GPR137: variants seen among roughly 807,000 people sequenced by gnomAD.
GPR137 encodes the protein integral membrane protein GPR137.
Under a neutral mutation model 38.9 loss-of-function variants are expected in GPR137, and 20 were observed. That is an observed-to-expected ratio of 0.51 (90% CI 0.36 to 0.75). GPR137 has a LOEUF of 0.75. Ranked by LOEUF, GPR137 falls within the 30% of genes least tolerant of loss-of-function variation. The pLI is 0.00. For synonymous variants in GPR137, 226 were observed against 235.8 expected (o/e 0.96, Z 0.38); for missense variants, 456 against 526.4 (o/e 0.87, Z 1.31).
At chr11:64,273,550 C>T (rs1267197503), upstream of GPR137, among the ~76,000 whole-genome samples, 1 of 151,830 alleles carries the variant, frequency 6.6e-6, no homozygotes, top group African/African-American at 2.4e-5. Flanking sequence ...AGAACCACTC[C>T]CCTGAGCAAA....
At position 64,286,883 on chromosome 11, in the gene GPR137, T is replaced by C; in HGVS notation, c.357+2T>C. ...CTTATGAACCTCTACTTTGCCCAGG[T>C]AACCAACTGTGGTCCCGGGTGGGGG... On this transcript the variant is annotated splice_donor_variant, in intron 1 of 6. Coordinates refer to ENST00000438980, the MANE Select transcript of GPR137 (RefSeq NM_001170880.2). LOFTEE classifies it high-confidence loss of function. The C allele has an allele frequency of 6.3e-7, 1 of 1,586,932 alleles. No individual in the cohort carries two copies. Among genetic ancestry groups the C allele is most frequent in the Non-Finnish European group, 8.6e-7 (1 of 1,157,804 alleles).
upstream of GPR137, among the ~76,000 whole-genome samples, chr11:64,280,690 C>G (rs1187450482): frequency 6.6e-6 from 1 of 150,926 alleles, no homozygotes; most frequent in South Asian, 2.1e-4. Context: ...TTTTTTGAGA[C>G]GGACTCTTGC....
At chr11:64,285,800 A>G (rs1023388414), upstream of GPR137, 2 of 985,026 alleles carry the variant, frequency 2.0e-6, no homozygotes, top group African/African-American at 3.5e-5. Context: ...CCGCTGCGCA[A>G]TTTGCGTAGC....
At chr11:64,280,686 G>A (rs577299407), upstream of GPR137, among the ~76,000 whole-genome samples, 12 of 150,350 alleles carry the variant, frequency 8.0e-5, no homozygotes, top group East Asian at 2.4e-3. Flanking sequence ...TTTGTTTTTT[G>A]AGACGGACTC....
At chr11:64,271,634 G>C (rs927566353), upstream of GPR137, 17 of 1,501,750 alleles carry the variant, frequency 1.1e-5, no homozygotes, top group Non-Finnish European at 1.4e-5. Flanking sequence ...CCACAAACTC[G>C]TCACTCATCC....
chr11:64,275,008 A>AAAAAAAAG (rs2032951719), upstream of GPR137, among the ~76,000 whole-genome samples: 1 of 150,538 alleles, frequency 6.6e-6, no homozygotes, highest in African/African-American at 2.4e-5. Flanking sequence ...AAAAAAAAAA[A>AAAAAAAAG]AAAAAAAGCG....
intron 2 of GPR137, among the ~76,000 whole-genome samples, chr11:64,278,417 A>G (rs1044800107): frequency 6.7e-6 from 1 of 149,726 alleles, no homozygotes; most frequent in East Asian, 1.9e-4. Context: ...TACATAAATA[A>G]TAACAATGGC....
chr11:64,284,916 T>G, upstream of GPR137: 1 of 1,416,112 alleles, frequency 7.1e-7, no homozygotes, highest in African/African-American at 1.5e-5. Context: ...AGGAGAGGGA[T>G]TCTCTGGGGT....
upstream of GPR137, chr11:64,270,783 C>A: frequency 2.4e-6 from 1 of 419,348 alleles, no homozygotes; most frequent in Non-Finnish European, 4.8e-6. Context: ...CGACAGAGCG[C>A]ACAGGTGCCA....
At chr11:64,283,741 G>A (rs943829907), upstream of GPR137, among the ~76,000 whole-genome samples, 7 of 152,220 alleles carry the variant, frequency 4.6e-5, no homozygotes, top group African/African-American at 7.2e-5. Context: ...TTTCCTTTTC[G>A]GATCACTGCC....
chr11:64,285,811 G>A, upstream of GPR137: 1 of 985,320 alleles, frequency 1.0e-6, no homozygotes, highest in South Asian at 4.7e-5. Context: ...TTTGCGTAGC[G>A]AACGGCGCCC....
Position 64,288,278 on chromosome 11 carries a change from G to T in GPR137, c.784-62G>T, listed in dbSNP as rs1046953917. On this transcript the variant is annotated intron_variant, in intron 4 of 6. Coordinates refer to ENST00000438980, the MANE Select transcript of GPR137 (RefSeq NM_001170880.2). This position sits in a 1 kb window ranked among gnomAD's most constrained non-coding sequence, Gnocchi z 5.5. ...GGCACCTTGGCCCCAGCTGGCCTGG[G>T]CCCTGTCCCACTACCCCTTTGGCGT... is the stretch of plus-strand genomic sequence containing the variant. The T allele has an allele frequency of 3.1e-6, 5 of 1,611,270 alleles. No individual in the cohort carries two copies. In the African/African-American group the frequency reaches 6.7e-5, roughly 22 times the overall value.
At chr11:64,284,171 G>A (rs776845441), upstream of GPR137, 3 of 1,570,150 alleles carry the variant, frequency 1.9e-6, no homozygotes, top group Non-Finnish European at 2.6e-6. Flanking sequence ...TGGAGGTGGT[G>A]GGGTACTTAC....
chr11:64,276,310 G>GTGTGTGTT (rs1565347790), intron 1 of GPR137: 1 of 151,636 alleles, frequency 6.6e-6, no homozygotes. Context: ...GTGTGTGTGT[G>GTGTGTGTT]TGTGTATATA....
chr11:64,285,649 C>T (rs1183778537), upstream of GPR137: 6 of 985,002 alleles, frequency 6.1e-6, no homozygotes, highest in Non-Finnish European at 7.2e-6. Context: ...CCGGGGACCC[C>T]CTGGATGCGG....
chr11:64,289,133 C>T lies in GPR137; in HGVS notation c.1128C>T (p.Leu376=). 6 of 1,613,678 alleles carry T rather than the reference C, an allele frequency of 3.7e-6. No individual in the cohort carries two copies. Among genetic ancestry groups the T allele is most frequent in the Non-Finnish European group, 5.1e-6 (6 of 1,179,846 alleles). The change falls in exon 7 of 7, where the codon CTC becomes CTT. Residue 376 remains leucine, a synonymous_variant. Coordinates refer to ENST00000438980, the MANE Select transcript of GPR137 (RefSeq NM_001170880.2). ...GGSQTKTTPL[L]FSQVPGPGGH... ...GCCAGACGAAGACCACTCCTCTGCT[C>T]TTCTCCCAGGTGCCAGGACCAGGCG... is the stretch of plus-strand genomic sequence containing the variant.
chr11:64,271,713 A>C, upstream of GPR137: 1 of 1,473,762 alleles, frequency 6.8e-7, no homozygotes, highest in Non-Finnish European at 9.0e-7. Context: ...GCGGCCCCGA[A>C]AGGGGCTGGG....
At chr11:64,271,817 G>C, upstream of GPR137, 1 of 1,383,430 alleles carries the variant, frequency 7.2e-7, no homozygotes. Flanking sequence ...CAGAGGGTCA[G>C]TGGGTAGGGG....
rs1218986993 is a variant in GPR137 at position 64,289,287 on chromosome 11, T to C, written c.*91T>C. 1 of 1,613,200 alleles carries C rather than the reference T, an allele frequency of 6.2e-7. No homozygotes were observed. The highest frequency in any genetic ancestry group is 1.1e-5 in the South Asian group (1 of 91,070). On this transcript the variant is annotated 3_prime_UTR_variant, in exon 7 of 7. Coordinates refer to ENST00000438980, the MANE Select transcript of GPR137 (RefSeq NM_001170880.2). ...TTTGTCTGCCGCTTCTTGCCCAGGA[T>C]CCTGGGGGTCGTGGCTACCCCCTCC... is the stretch of plus-strand genomic sequence containing the variant.
Sources: allele counts gnomAD v4.1 joint callset (sites outside exome capture counted in the v4.1 genomes callset), GRCh38; gene constraint gnomAD v4.1.1; non-coding constraint Gnocchi (gnomAD v3.1); transcripts MANE v1.5; gene names NCBI Gene and HGNC (gene_info 2026-07-23, HGNC 2026-07-21).